The following TTLL9 variants were observed in gnomAD, a reference collection of about 807,000 sequenced individuals.
TTLL9 encodes tubulin tyrosine ligase like 9, also known as probable tubulin polyglutamylase TTLL9.
Under a neutral mutation model 65.6 loss-of-function variants are expected in TTLL9, and 47 were observed. The ratio of observed to expected loss-of-function variants is 0.72; its 90% CI spans 0.57 to 0.91. TTLL9 has a LOEUF of 0.91. Among genes scored for constraint, TTLL9 ranks in the 40% least tolerant of loss-of-function variants. The pLI, the probability that TTLL9 is intolerant of heterozygous loss-of-function variation, is 0.00. For synonymous variants in TTLL9, 179 were observed against 204.8 expected (o/e 0.87, Z 1.07); for missense variants, 537 against 568.8 (o/e 0.94, Z 0.57).
intron 6 of TTLL9, among the ~76,000 whole-genome samples, chr20:31,913,167 T>A (rs760198598): frequency 6.6e-6 from 1 of 151,882 alleles, no homozygotes; most frequent in East Asian, 1.9e-4. Flanking sequence ...TAAAAAAAAA[T>A]TAATAATTGT....
chr20:31,939,835 T>C (rs564534165), intron 14 of TTLL9: 1 of 152,382 alleles, frequency 6.6e-6, no homozygotes, highest in South Asian at 2.1e-4. Flanking sequence ...GTTTTGGCCA[T>C]AAGTGGTGAG....
chr20:31,933,655 C>T (rs1460902622), intron 10 of TTLL9, 145 bp from the exon 11 acceptor site: 1 of 669,332 alleles, frequency 1.5e-6, no homozygotes, highest in East Asian at 2.9e-5. Flanking sequence ...TGAATCCAGG[C>T]CCATCTGACT....
chr20:31,882,348 T>A (rs1488813054), intron 2 of TTLL9, among the ~76,000 whole-genome samples: 1 of 152,078 alleles, frequency 6.6e-6, no homozygotes, highest in Admixed American at 6.5e-5. Flanking sequence ...ATAATCAAAG[T>A]CTTGGGTAAG....
intron 2 of TTLL9, among the ~76,000 whole-genome samples, chr20:31,883,268 G>A (rs912238829): frequency 5.3e-5 from 8 of 150,772 alleles, no homozygotes; most frequent in African/African-American, 2.0e-4. Flanking sequence ...CACAATCTCA[G>A]CTTACTGCAA....
At chr20:31,939,368 C>T in intron 14 of TTLL9, 102 bp downstream of exon 14, 1 of 1,342,710 alleles carries the variant, frequency 7.4e-7, no homozygotes, top group Non-Finnish European at 1.0e-6. Context: ...TGTTTGAATT[C>T]AATCTGCAAC....
At chr20:31,873,824 G>GAA (rs2062993428) in intron 2 of TTLL9, among the ~76,000 whole-genome samples, 1 of 44,178 alleles carries the variant, frequency 2.3e-5, no homozygotes, top group African/African-American at 9.8e-5. Context: ...AAGGAAGGAA[G>GAA]AAAGAAAGAA....
intron 4 of TTLL9, among the ~76,000 whole-genome samples, chr20:31,903,176 T>A (rs1476499753): frequency 6.6e-6 from 1 of 152,128 alleles, no homozygotes; most frequent in Non-Finnish European, 1.5e-5. Flanking sequence ...ACCCTCACAT[T>A]TATTATGGCC....
At chr20:31,896,281 TG>T (rs1465590112) in intron 3 of TTLL9, among the ~76,000 whole-genome samples, 2 of 152,196 alleles carry the variant, frequency 1.3e-5, no homozygotes, top group Non-Finnish European at 2.9e-5. Context: ...CCCGGCCCCC[TG>T]GCCCTATTTT....
At chr20:31,923,650 C>T (rs1291829362) in intron 8 of TTLL9, among the ~76,000 whole-genome samples, 2 of 152,216 alleles carry the variant, frequency 1.3e-5, no homozygotes, top group African/African-American at 4.8e-5. Flanking sequence ...TCCCCGCAAG[C>T]TTGGTGGGTT....
chr20:31,898,107 T>A (rs1025401637), intron 3 of TTLL9, among the ~76,000 whole-genome samples: 2 of 152,190 alleles, frequency 1.3e-5, no homozygotes, highest in Non-Finnish European at 2.9e-5. Flanking sequence ...AGTTTTCAGT[T>A]GTATCAGTAG....
intron 3 of TTLL9, among the ~76,000 whole-genome samples, chr20:31,889,539 C>T (rs149627525): frequency 0.02 from 2,977 of 151,690 alleles, 117 homozygotes; most frequent in African/African-American, 0.068. Context: ...TCTCCTGCCT[C>T]AGCCTCCCTA....
intron 4 of TTLL9, among the ~76,000 whole-genome samples, chr20:31,907,000 T>C (rs1197864800): frequency 6.6e-6 from 1 of 152,038 alleles, no homozygotes. Context: ...GTTCACCCAA[T>C]GGAATGGGAA....
At chr20:31,879,859 A>T (rs747381916) in intron 2 of TTLL9, 14 of 1,550,178 alleles carry the variant, frequency 9.0e-6, no homozygotes, top group East Asian at 2.4e-5. Flanking sequence ...GGCGGTTTGG[A>T]TCTGGCCCCT....
Position 31,943,272 on chromosome 20 carries a change from G to A in TTLL9, c.*251G>A, listed in dbSNP as rs1325174586. On this transcript the variant is annotated 3_prime_UTR_variant, in exon 15 of 15. Coordinates refer to ENST00000535842, the MANE Select transcript of TTLL9 (RefSeq NM_001008409.5). ...GGGGGAGGTTTAACCTTGACAAACT[G>A]ACTTGGCAGTTAGGCCCAAAGAGAA... 10 of 560,472 alleles carry A rather than the reference G, an allele frequency of 1.8e-5. No individual in the cohort carries two copies. In the East Asian group the frequency reaches 2.7e-4, roughly 15 times the overall value. The allele number at this position is 560,472 out of a possible 1,614,324, so 34.7% of individuals were successfully genotyped here.
chr20:31,881,599 T>C (rs2063118709), intron 2 of TTLL9, among the ~76,000 whole-genome samples: 1 of 141,480 alleles, frequency 7.1e-6, no homozygotes, highest in Non-Finnish European at 1.5e-5. Flanking sequence ...GGGACACATA[T>C]AACTTTTTTT....
intron 2 of TTLL9, among the ~76,000 whole-genome samples, chr20:31,873,584 A>C (rs1453663892): frequency 6.6e-6 from 1 of 151,392 alleles, no homozygotes; most frequent in African/African-American, 2.4e-5. Context: ...CTTGAGGTTG[A>C]GGCTGCAGTG....
At chr20:31,878,985 G>T (rs934453929) in intron 2 of TTLL9, among the ~76,000 whole-genome samples, 1 of 152,170 alleles carries the variant, frequency 6.6e-6, no homozygotes. Flanking sequence ...ACTCCAGAAA[G>T]TTCCTTCATG....
At chr20:31,936,441 G>A (rs1465644400) in intron 12 of TTLL9, among the ~76,000 whole-genome samples, 1 of 151,478 alleles carries the variant, frequency 6.6e-6, no homozygotes. Context: ...CTGCTCTCTA[G>A]CCTGAGTGAC....
chr20:31,915,491 A>C (rs191837828), intron 6 of TTLL9, among the ~76,000 whole-genome samples: 1 of 152,334 alleles, frequency 6.6e-6, no homozygotes, highest in East Asian at 1.9e-4. Flanking sequence ...CAAAGAAAAA[A>C]GCATAATATA....
Sources: allele counts gnomAD v4.1 joint callset (sites outside exome capture counted in the v4.1 genomes callset), GRCh38; gene constraint gnomAD v4.1.1; transcripts MANE v1.5; gene names NCBI Gene and HGNC (gene_info 2026-07-23, HGNC 2026-07-21).